ZNF471: variants seen among roughly 807,000 people sequenced by gnomAD.
The protein encoded by ZNF471 is EZFIT-related protein 1.
ZNF471 carries 7 observed loss-of-function variants against 13.7 expected under a neutral mutation model. The observed-to-expected ratio is 0.51, with a 90% confidence interval of 0.29 to 0.96. The LOEUF (loss-of-function observed/expected upper bound fraction) is 0.96. Ranked by LOEUF, ZNF471 falls within the 40% of genes least tolerant of loss-of-function variation. The pLI, the probability that ZNF471 is intolerant of heterozygous loss-of-function variation, is 0.08. For missense variants in ZNF471, 663 were observed against 743.3 expected, an observed-to-expected ratio of 0.89 and a Z score of 1.26; for synonymous variants, 218 against 235.6, an observed-to-expected ratio of 0.93 and a Z score of 0.68.
At position 56,529,529 on chromosome 19, in the gene ZNF471, A is replaced by C. The variant is rs1225275353; in HGVS notation, c.*3581A>C. 6.6e-6 allele frequency: 1 copy of C among 152,248 alleles called. No individual in the cohort carries two copies. Among genetic ancestry groups the C allele is most frequent in the East Asian group, 1.9e-4 (1 of 5,204 alleles). The allele number at this position is 152,248 out of a possible 1,614,324, so 9.4% of individuals were successfully genotyped here. On this transcript the variant is annotated 3_prime_UTR_variant, in exon 5 of 5. Transcript: ENST00000308031. ...GGCGTAAGATACTGTATGCAAAGTT[A>C]AAAGGCATATGACAGGCTGAGAGAT... is the stretch of plus-strand genomic sequence containing the variant.
Position 56,526,084 on chromosome 19 carries a change from G to A in ZNF471, c.*136G>A, listed in dbSNP as rs140973439. The A allele has an allele frequency of 1.2e-3, 996 of 848,526 alleles. 6 individuals carry two copies. Among genetic ancestry groups the A allele is most frequent in the South Asian group, 2.9e-3 (147 of 50,234 alleles). The allele number at this position is 848,526 out of a possible 1,614,324, so 52.6% of individuals were successfully genotyped here. A position where few individuals can be genotyped will look rare whatever the true frequency, so the allele number is the denominator to read the frequency against. On this transcript the variant is annotated 3_prime_UTR_variant, in exon 5 of 5. Coordinates refer to ENST00000308031, the MANE Select transcript of ZNF471 (RefSeq NM_020813.4). ...CAGCCAGGAGGCTGGCAAGATGGCCGAATAGGAACAGCTCTGATCTGCAGT... is the reference window on the plus strand; with the variant it reads ...CAGCCAGGAGGCTGGCAAGATGGCCAAATAGGAACAGCTCTGATCTGCAGT...
chr19:56,507,998 G>C, intron 1 of ZNF471, 78 bp downstream of exon 1: 1 of 985,832 alleles, frequency 1.0e-6, no homozygotes, highest in Middle Eastern at 5.2e-4. Flanking sequence ...GCTCCGACGC[G>C]GGTCGCGAAG....
Position 56,508,031 on chromosome 19 carries a change from C to T in ZNF471, c.-56+111C>T. ...AAGGCCCAGCCGCGTCCTCTGTCCC[C>T]AGGACGACTACATTTCCCAGAGGCC... On this transcript the variant is annotated intron_variant, in intron 1 of 4. Coordinates refer to ENST00000308031, the MANE Select transcript of ZNF471 (RefSeq NM_020813.4). This position sits in a 1 kb window ranked among gnomAD's most constrained non-coding sequence, Gnocchi z 4.7. 1.0e-6 allele frequency: 1 copy of T among 985,694 alleles called. No individual in the cohort carries two copies. Among genetic ancestry groups the T allele is most frequent in the Non-Finnish European group, 1.2e-6 (1 of 830,082 alleles). 61.1% of individuals were successfully genotyped at this position (985,694 alleles called of 1,614,324 possible).
chr19:56,514,400 G>GT (rs755395664), intron 2 of ZNF471, among the ~76,000 whole-genome samples: 2 of 151,578 alleles, frequency 1.3e-5, no homozygotes, highest in African/African-American at 2.4e-5. Flanking sequence ...TTTATCTAAT[G>GT]TTTTTTTTCT....
intron 2 of ZNF471, among the ~76,000 whole-genome samples, chr19:56,513,497 T>C (rs2043837640): frequency 6.6e-6 from 1 of 152,198 alleles, no homozygotes; most frequent in South Asian, 2.1e-4. Context: ...TATGCTTTAA[T>C]TCTCTCTTTA....
Position 56,516,143 on chromosome 19 carries a change from C to G in ZNF471, c.34-132C>G. 1 of 888,614 alleles carries G rather than the reference C, an allele frequency of 1.1e-6. No individual in the cohort carries two copies. The allele number at this position is 888,614 out of a possible 1,614,324, so 55.0% of individuals were successfully genotyped here. A position where few individuals can be genotyped will look rare whatever the true frequency, so the allele number is the denominator to read the frequency against. On this transcript the variant is annotated intron_variant, in intron 2 of 4. Coordinates refer to ENST00000308031, the MANE Select transcript of ZNF471 (RefSeq NM_020813.4). This position sits in a 1 kb window ranked among gnomAD's most constrained non-coding sequence, Gnocchi z 4.4. Reference sequence around the variant, plus strand: ...AACACTTCCATAAGTACTGTTTTGGCTTGGATCTTCCTATTTATGTTTTTT... The same window carrying G: ...AACACTTCCATAAGTACTGTTTTGGGTTGGATCTTCCTATTTATGTTTTTT...
chr19:56,525,812 A>G lies in ZNF471; in HGVS notation c.1745A>G (p.Asp582Gly). The G allele has an allele frequency of 6.2e-7, 1 of 1,614,228 alleles. No individual in the cohort carries two copies. Among genetic ancestry groups the G allele is most frequent in the Non-Finnish European group, 8.5e-7 (1 of 1,180,032 alleles). Residue 582 changes from aspartate (D) to glycine (G), a missense_variant, in exon 5 of 5, where the codon GAT becomes GGT. By Grantham distance (94) the Asp-to-Gly change is moderately conservative (BLOSUM62 -1). Coordinates refer to ENST00000308031, the MANE Select transcript of ZNF471 (RefSeq NM_020813.4). Reference protein sequence around the residue: ...KCTECGKAFSDSSSCAQHQRL... With the variant: ...KCTECGKAFSGSSSCAQHQRL... ...ACTGAATGTGGAAAGGCTTTTAGTGATAGCTCATCCTGTGCTCAGCATCAA... is the reference window on the plus strand; with the variant it reads ...ACTGAATGTGGAAAGGCTTTTAGTGGTAGCTCATCCTGTGCTCAGCATCAA...
rs10691807 is a variant in ZNF471, at chr19:56,508,252, T to TGTGTGA, written c.-56+333_-56+334insTGTGAG. On this transcript the variant is annotated intron_variant, in intron 1 of 4. Transcript: ENST00000308031. This position sits in a 1 kb window ranked among gnomAD's most constrained non-coding sequence, Gnocchi z 4.7. ...TTCTGTGTGTGTGTGTGTGTGTGTG[T>TGTGTGA]GACAGACCGAGAGTCCAGTGTGAGA... The TGTGTGA allele has an allele frequency of 1.3e-5, 10 of 782,700 alleles. No individual in the cohort carries two copies. The highest frequency in any genetic ancestry group is 5.8e-5 in the African/African-American group (3 of 51,610). The allele number at this position is 782,700 out of a possible 1,614,324, so 48.5% of individuals were successfully genotyped here. A position where few individuals can be genotyped will look rare whatever the true frequency, so the allele number is the denominator to read the frequency against.
In ZNF471 at chr19:56,522,821, A is replaced by G. The variant is rs1020644742; in HGVS notation, c.257-1503A>G. On this transcript the variant is annotated intron_variant, in intron 4 of 4. Transcript: ENST00000308031. This position sits in a 1 kb window ranked among gnomAD's most constrained non-coding sequence, Gnocchi z 4.1. ...GCACAGTCTTGGCTCACTGCAACCT[A>G]TGCCTCCTGGGTTCAAGCAATTTTC... Among the ~76,000 whole-genome samples, 5 of 150,734 alleles carry G rather than the reference A, an allele frequency of 3.3e-5. No individual in the cohort carries two copies. Among genetic ancestry groups the G allele is most frequent in the Non-Finnish European group, 7.4e-5 (5 of 67,804 alleles).
At position 56,508,397 on chromosome 19, in the gene ZNF471, C is replaced by T. The variant is rs900110634; in HGVS notation, c.-56+477C>T. Among the ~76,000 whole-genome samples the T allele has an allele frequency of 2.0e-5, 3 of 150,268 alleles. No homozygotes were observed. The highest frequency in any genetic ancestry group is 2.0e-4 in the Admixed American group (3 of 15,152). On this transcript the variant is annotated intron_variant, in intron 1 of 4. Coordinates refer to ENST00000308031, the MANE Select transcript of ZNF471 (RefSeq NM_020813.4). This position sits in a 1 kb window ranked among gnomAD's most constrained non-coding sequence, Gnocchi z 4.7. The stretch of plus-strand genomic sequence containing the variant: ...GCGTGTGAAGCTCAGTGAGAGGTTG[C>T]GAGGTGTGTGGGTGTGTAAGTGTGT...
chr19:56,522,646 C>T lies in ZNF471; in HGVS notation c.257-1678C>T, dbSNP rs2043988754. Among the ~76,000 whole-genome samples, 1 of 152,088 alleles carries T rather than the reference C, an allele frequency of 6.6e-6. No homozygotes were observed. Among genetic ancestry groups the T allele is most frequent in the Non-Finnish European group, 1.5e-5 (1 of 68,006 alleles). On this transcript the variant is annotated intron_variant, in intron 4 of 4. Transcript: ENST00000308031. The surrounding 1 kb of genome is among the most constrained non-coding windows in gnomAD (Gnocchi z 4.1). ...TTCTCTCAGTATCATCTCTTCAATA[C>T]AAATTTCTTTATATTTTACTGATAA...
At chr19:56,511,090 CTTTTGTTTT>C in intron 1 of ZNF471, 2 of 847,972 alleles carry the variant, frequency 2.4e-6, no homozygotes, top group Non-Finnish European at 2.8e-6. Context: ...TTTCCTTTTT[CTTTTGTTTT>C]TTTTTTTTTC....
chr19:56,507,916 CG>C lies in ZNF471; in HGVS notation c.-56+1del. ...AGAGCGTCTGGGTGCCAGACGAGGC[CG>C]GGGGTTTGTTTTGGGTGGTTTGGGA... On this transcript the variant is annotated 5_prime_UTR_variant, in exon 1 of 5. Transcript: ENST00000308031. 2 of 985,604 alleles carry C rather than the reference CG, an allele frequency of 2.0e-6. No individual in the cohort carries two copies. Among genetic ancestry groups the C allele is most frequent in the Non-Finnish European group, 2.4e-6 (2 of 830,042 alleles). The allele number at this position is 985,604 out of a possible 1,614,324, so 61.1% of individuals were successfully genotyped here.
intron 2 of ZNF471, among the ~76,000 whole-genome samples, chr19:56,513,043 G>A (rs1395287315): frequency 6.6e-6 from 1 of 152,086 alleles, no homozygotes; most frequent in Non-Finnish European, 1.5e-5. Context: ...TTTAGTTTGT[G>A]TGCCTCATGT....
Position 56,525,937 on chromosome 19 carries a change from G to A in ZNF471, c.1870G>A (p.Glu624Lys), listed in dbSNP as rs777685567. The A allele has an allele frequency of 6.4e-7, 1 of 1,559,086 alleles. No homozygotes were observed. Among genetic ancestry groups the A allele is most frequent in the Admixed American group, 2.0e-5 (1 of 49,924 alleles). ...TTGTCATCAAAGAAGTCATACTGGAGAAGAACCTTAAGAATGTAGTGCATG... is the reference window on the plus strand; with the variant it reads ...TTGTCATCAAAGAAGTCATACTGGAAAAGAACCTTAAGAATGTAGTGCATG... ...LICHQRSHTG[E>K]EP Residue 624 changes from glutamate (E) to lysine (K), a missense_variant, in exon 5 of 5, where the codon GAA becomes AAA. Physicochemically the swap from Glu to Lys is moderately conservative, Grantham distance 56. Coordinates refer to ENST00000308031, the MANE Select transcript of ZNF471 (RefSeq NM_020813.4).
chr19:56,524,517 A>G lies in ZNF471; in HGVS notation c.450A>G (p.Lys150=). 6.2e-7 allele frequency: 1 copy of G among 1,606,606 alleles called. No individual in the cohort carries two copies. Among genetic ancestry groups the G allele is most frequent in the Non-Finnish European group, 8.5e-7 (1 of 1,178,108 alleles). ...GCAAGAAAGAAATAATCACTCATAA[A>G]GAAACCATCACTAAGGAAACAGAAT... ...MFSKKEIITH[K]ETITKETEFK... The change falls in exon 5 of 5, where the codon AAA becomes AAG. Residue 150 remains lysine (K), a synonymous_variant. Coordinates refer to ENST00000308031, the MANE Select transcript of ZNF471 (RefSeq NM_020813.4). This position sits in a 1 kb window ranked among gnomAD's most constrained non-coding sequence, Gnocchi z 4.8.
rs1303566078 is a variant in ZNF471 at position 56,525,085 on chromosome 19, C to T, written c.1018C>T (p.His340Tyr). The change falls in exon 5 of 5, where the codon CAC (histidine) becomes TAC (tyrosine). Residue 340 changes from histidine (H) to tyrosine (Y), a missense_variant. His to Tyr is a moderately conservative substitution (Grantham distance 83). Coordinates refer to ENST00000308031, the MANE Select transcript of ZNF471 (RefSeq NM_020813.4). ...GSSFARHQRCHTGKRPYECIE... is the reference protein window; with the variant it reads ...GSSFARHQRCYTGKRPYECIE... Reference sequence around the variant, plus strand: ...GTCTTTTGCTCGACATCAGAGATGTCACACTGGCAAAAGACCCTATGAATG... The same window carrying T: ...GTCTTTTGCTCGACATCAGAGATGTTACACTGGCAAAAGACCCTATGAATG... 4 of 1,613,894 alleles carry T rather than the reference C, an allele frequency of 2.5e-6. No homozygotes were observed. Among genetic ancestry groups the T allele is most frequent in the Non-Finnish European group, 2.5e-6 (3 of 1,179,942 alleles).
chr19:56,511,907 T>C (rs959937625), intron 2 of ZNF471, among the ~76,000 whole-genome samples: 4 of 152,240 alleles, frequency 2.6e-5, no homozygotes, highest in Non-Finnish European at 5.9e-5. Flanking sequence ...ATGTTAGTAC[T>C]AGTGAGTTGG....
intron 3 of ZNF471, among the ~76,000 whole-genome samples, chr19:56,517,407 A>G (rs1055157633): frequency 6.8e-6 from 1 of 147,522 alleles, no homozygotes; most frequent in Non-Finnish European, 1.5e-5. Context: ...GGTTCACGCC[A>G]TTCTCCTGCC....
Sources: allele counts gnomAD v4.1 joint callset (sites outside exome capture counted in the v4.1 genomes callset), GRCh38; gene constraint gnomAD v4.1.1; non-coding constraint Gnocchi (gnomAD v3.1); transcripts MANE v1.5; gene names NCBI Gene and HGNC (gene_info 2026-07-23, HGNC 2026-07-21).